The following SP100 variants were observed in gnomAD, a reference collection of about 807,000 sequenced individuals.
The protein encoded by SP100 is SP100 nuclear body protein, also known as nuclear autoantigen Sp-100.
In SP100, 84 loss-of-function variants were observed where a neutral mutation model predicts 130.0. The observed-to-expected ratio is 0.65, with a 90% CI of 0.54 to 0.77. The LOEUF (loss-of-function observed/expected upper bound fraction) is 0.77, where lower values mean the gene tolerates loss of function less well. Ranked by LOEUF, SP100 falls within the 30% of genes least tolerant of loss-of-function variation. The pLI, the probability that SP100 is intolerant of heterozygous loss-of-function variation, is 0.00. For missense variants in SP100, 978 were observed against 1,052.2 expected (o/e 0.93, Z 0.97); for synonymous variants, 331 against 351.7 (o/e 0.94, Z 0.66).
At chr2:230,516,976 CTT>C (rs1473284937) in intron 24 of SP100, among the ~76,000 whole-genome samples, 2 of 151,992 alleles carry the variant, frequency 1.3e-5, no homozygotes, top group Non-Finnish European at 2.9e-5. Context: ...TTAGAAAAGA[CTT>C]AATCAAAATT....
At chr2:230,472,471 G>C (rs1387334819) in intron 15 of SP100, among the ~76,000 whole-genome samples, 2 of 136,314 alleles carry the variant, frequency 1.5e-5, no homozygotes, top group African/African-American at 5.6e-5. Flanking sequence ...AAGATTCAGA[G>C]AAACAAGCTA....
chr2:230,510,013 C>T (rs142062498), intron 23 of SP100: 2 of 152,736 alleles, frequency 1.3e-5, no homozygotes, highest in East Asian at 3.9e-4. Flanking sequence ...GGGTGAATAA[C>T]TCATGGGATG....
rs60412659 is a variant in SP100 at position 230,508,097 on chromosome 2, A to C, written c.2052+66A>C. 7.8e-3 allele frequency: 12,354 copies of C among 1,588,778 alleles called. 857 individuals carry two copies. In the African/African-American group the frequency reaches 0.15, roughly 19 times the overall value. On this transcript the variant is annotated intron_variant, in intron 23 of 28. Coordinates refer to ENST00000340126, the MANE Select transcript of SP100 (RefSeq NM_001080391.2). Reference sequence around the variant, plus strand: ...TGTTGTTGATTTTCTATCTCTGTGGACTTACAGTCTTTAAATTGACCCATC... The same window carrying C: ...TGTTGTTGATTTTCTATCTCTGTGGCCTTACAGTCTTTAAATTGACCCATC...
intron 2 of SP100, among the ~76,000 whole-genome samples, chr2:230,438,658 C>CACACAT (rs2063373909): frequency 6.8e-6 from 1 of 146,086 alleles, no homozygotes; most frequent in Non-Finnish European, 1.5e-5. Flanking sequence ...TACACACACA[C>CACACAT]ACACACACAC....
chr2:230,473,235 G>T, intron 15 of SP100, 89 bp from the exon 16 acceptor site: 1 of 782,666 alleles, frequency 1.3e-6, no homozygotes, highest in South Asian at 1.6e-5. Context: ...ATTTAGCTGT[G>T]GGGAGTGGGC....
chr2:230,502,977 C>G, intron 19 of SP100, 89 bp from the exon 20 acceptor site: 2 of 992,000 alleles, frequency 2.0e-6, no homozygotes, highest in Non-Finnish European at 3.1e-6. Flanking sequence ...TAGACAGGAT[C>G]CTGAAAAGTT....
chr2:230,468,813 G>C, intron 13 of SP100: 1 of 172,226 alleles, frequency 5.8e-6, no homozygotes, highest in Non-Finnish European at 9.8e-6. Flanking sequence ...GTGAGACCCT[G>C]TCTCAAAAAA....
At chr2:230,472,506 G>C (rs1193319467) in intron 15 of SP100, among the ~76,000 whole-genome samples, 1 of 148,778 alleles carries the variant, frequency 6.7e-6, no homozygotes, top group Non-Finnish European at 1.5e-5. Context: ...AGGAGGAAGT[G>C]ATAGTAGAAA....
chr2:230,535,153 G>A (rs1465869201), intron 24 of SP100, among the ~76,000 whole-genome samples: 1 of 151,728 alleles, frequency 6.6e-6, no homozygotes, highest in Non-Finnish European at 1.5e-5. Flanking sequence ...CCGAGATTGT[G>A]CCACTGCACT....
At chr2:230,517,877 G>A (rs1690997892) in intron 24 of SP100, among the ~76,000 whole-genome samples, 1 of 151,856 alleles carries the variant, frequency 6.6e-6, no homozygotes, top group African/African-American at 2.4e-5. Context: ...TCTAACATAG[G>A]GGACCAAATT....
At chr2:230,507,284 CAG>C (rs1690187441) in intron 22 of SP100, 1 of 152,266 alleles carries the variant, frequency 6.6e-6, no homozygotes, top group African/African-American at 2.4e-5. Context: ...AGGTTGGAAA[CAG>C]AGCAGGTCAA....
At chr2:230,517,843 A>G (rs1253839343) in intron 24 of SP100, among the ~76,000 whole-genome samples, 1 of 152,160 alleles carries the variant, frequency 6.6e-6, no homozygotes, top group Non-Finnish European at 1.5e-5. Flanking sequence ...AAAGCAAAGC[A>G]ATATTTTAAG....
At chr2:230,492,300 T>C (rs1197606175) in intron 17 of SP100, among the ~76,000 whole-genome samples, 1 of 152,088 alleles carries the variant, frequency 6.6e-6, no homozygotes, top group African/African-American at 2.4e-5. Flanking sequence ...CTGTTTTTCG[T>C]TTGTTTGTTT....
chr2:230,470,088 A>G lies in SP100; in HGVS notation c.1419A>G (p.Arg473=). 1 of 1,608,434 alleles carries G rather than the reference A, an allele frequency of 6.2e-7. No homozygotes were observed. The highest frequency in any genetic ancestry group is 2.2e-5 in the East Asian group (1 of 44,644). ...ELQETCSSSL[R]RGSGSQPQEP... ...AGGAAACCTGCAGCTCATCCCTAAG[A>G]AGAGGGTCAGGTAAAGAAGATTAGG... The change falls in exon 15 of 29, where the codon AGA becomes AGG. Residue 473 remains arginine, a synonymous_variant. Coordinates refer to ENST00000340126, the MANE Select transcript of SP100 (RefSeq NM_001080391.2).
intron 2 of SP100, among the ~76,000 whole-genome samples, chr2:230,418,020 C>G (rs1559476992): frequency 6.6e-6 from 1 of 152,232 alleles, no homozygotes; most frequent in East Asian, 1.9e-4. Context: ...TGTGAGCACT[C>G]TTAGTTTTTA....
chr2:230,511,855 TA>T (rs1202730604), intron 24 of SP100, among the ~76,000 whole-genome samples: 1 of 152,132 alleles, frequency 6.6e-6, no homozygotes, highest in Non-Finnish European at 1.5e-5. Context: ...CAACCAAAAT[TA>T]AGGCTGTTTA....
chr2:230,471,358 G>A (rs1424139360), intron 15 of SP100, among the ~76,000 whole-genome samples: 2 of 152,162 alleles, frequency 1.3e-5, no homozygotes, highest in African/African-American at 4.8e-5. Context: ...TTTAAGCTCT[G>A]AAAATAGTTC....
intron 14 of SP100, chr2:230,469,457 G>A (rs1282444314): frequency 2.1e-6 from 1 of 471,310 alleles, no homozygotes; most frequent in East Asian, 6.5e-5. Context: ...GCAGAAGTAT[G>A]TGCAAACTAA....
Position 230,539,368 on chromosome 2 carries a change from C to T in SP100, c.2196C>T (p.Ser732=), listed in dbSNP as rs181313295. 8 of 1,613,002 alleles carry T rather than the reference C, an allele frequency of 5.0e-6. No homozygotes were observed. The African/African-American group carries it at 8.0e-5, about 16-fold the overall frequency. Residue 732 remains serine (S), a synonymous_variant, in exon 25 of 29, where the codon TCC becomes TCT. Transcript: ENST00000340126. ...TTCATGAGCACTGCCACATCCCATC[C>T]GTGGAAGCTAACAAGTGAGTAAGAC... ...RSFHEHCHIP[S]VEANKNPWSC...
Sources: allele counts gnomAD v4.1 joint callset (sites outside exome capture counted in the v4.1 genomes callset), GRCh38; gene constraint gnomAD v4.1.1; transcripts MANE v1.5; gene names NCBI Gene and HGNC (gene_info 2026-07-23, HGNC 2026-07-21).